The following AAK1 variants were observed in gnomAD, a reference collection of about 807,000 sequenced individuals.
AAK1 encodes AP2 associated kinase 1.
AAK1 carries 37 observed loss-of-function variants against 116.0 expected under a neutral mutation model. The ratio of observed to expected loss-of-function variants is 0.32; its 90% CI spans 0.25 to 0.42. The LOEUF is 0.42. Among genes scored for constraint, AAK1 ranks in the 10% least tolerant of loss-of-function variants. AAK1 has a pLI of 1.00. For synonymous variants in AAK1, 458 were observed against 439.9 expected (o/e 1.04, Z -0.51); for missense variants, 919 against 1,170.6 (o/e 0.79, Z 3.14).
intron 2 of AAK1, among the ~76,000 whole-genome samples, chr2:69,629,962 T>C (rs1428940265): frequency 6.6e-6 from 1 of 152,068 alleles, no homozygotes; most frequent in Non-Finnish European, 1.5e-5. Flanking sequence ...AAATAAATCT[T>C]AGGTAGGACT....
intron 2 of AAK1, among the ~76,000 whole-genome samples, chr2:69,630,471 G>C (rs546425657): frequency 2.6e-5 from 4 of 152,076 alleles, no homozygotes; most frequent in African/African-American, 9.6e-5. Flanking sequence ...CAAAATTCAT[G>C]CACCTCAATA....
intron 17 of AAK1, among the ~76,000 whole-genome samples, chr2:69,485,614 G>A (rs907496081): frequency 1.3e-5 from 2 of 151,842 alleles, no homozygotes; most frequent in African/African-American, 4.8e-5. Flanking sequence ...ATGCCTTTTG[G>A]CTTGACTGGG....
Position 69,469,863 on chromosome 2 carries a change from T to C in AAK1, c.*6006A>G. ...GACACTTTCAATATGGGTAACTCCA[T>C]ATTAGTCTATTTTGAGGCTCCAAAT... On this transcript the variant is annotated 3_prime_UTR_variant, in exon 22 of 22. Coordinates refer to ENST00000409085, the MANE Select transcript of AAK1 (RefSeq NM_014911.5). 2.0e-6 allele frequency: 2 copies of C among 985,430 alleles called. No homozygotes were observed. Among genetic ancestry groups the C allele is most frequent in the Non-Finnish European group, 2.4e-6 (2 of 829,938 alleles). The allele number at this position is 985,430 out of a possible 1,614,324, so 61.0% of individuals were successfully genotyped here. A position where few individuals can be genotyped will look rare whatever the true frequency, so the allele number is the denominator to read the frequency against.
In AAK1 at chr2:69,465,248, G is replaced by A; in HGVS notation, c.*10621C>T. On this transcript the variant is annotated 3_prime_UTR_variant, in exon 22 of 22. Coordinates refer to ENST00000409085, the MANE Select transcript of AAK1 (RefSeq NM_014911.5). ...AACAAAAATGAACATAACTTAAAGGGGCTTCAACTAAATATCACTGCAACT... is the reference window on the plus strand; with the variant it reads ...AACAAAAATGAACATAACTTAAAGGAGCTTCAACTAAATATCACTGCAACT... 1 of 439,050 alleles carries A rather than the reference G, an allele frequency of 2.3e-6. No homozygotes were observed. Among genetic ancestry groups the A allele is most frequent in the South Asian group, 2.4e-5 (1 of 42,046 alleles). The allele number at this position is 439,050 out of a possible 1,614,324, so 27.2% of individuals were successfully genotyped here. A position where few individuals can be genotyped will look rare whatever the true frequency, so the allele number is the denominator to read the frequency against.
At chr2:69,566,366 C>T (rs1671868705) in intron 2 of AAK1, among the ~76,000 whole-genome samples, 1 of 151,970 alleles carries the variant, frequency 6.6e-6, no homozygotes, top group African/African-American at 2.4e-5. Flanking sequence ...CCTCACTTGC[C>T]TCAATTAAAA....
Position 69,474,031 on chromosome 2 carries a change from G to A in AAK1, c.*1838C>T. 1 of 985,772 alleles carries A rather than the reference G, an allele frequency of 1.0e-6. No homozygotes were observed. The highest frequency in any genetic ancestry group is 1.2e-6 in the Non-Finnish European group (1 of 829,924). The allele number at this position is 985,772 out of a possible 1,614,324, so 61.1% of individuals were successfully genotyped here. The stretch of plus-strand genomic sequence containing the variant: ...TAGAGGCCTTTACCTAGCTCATCTT[G>A]TTTCAGCCAGCACGGGAAGTATTTA... On this transcript the variant is annotated 3_prime_UTR_variant, in exon 22 of 22. Transcript: ENST00000409085.
chr2:69,591,099 G>A (rs1673007538), intron 2 of AAK1, among the ~76,000 whole-genome samples: 1 of 152,216 alleles, frequency 6.6e-6, no homozygotes, highest in South Asian at 2.1e-4. Context: ...TATTTAAACT[G>A]TAGTTAGAAT....
chr2:69,584,871 TCTCC>T (rs760109737), intron 2 of AAK1, among the ~76,000 whole-genome samples: 4 of 152,202 alleles, frequency 2.6e-5, no homozygotes, highest in Admixed American at 6.5e-5. Flanking sequence ...CCCACTCTGG[TCTCC>T]CTCCTTCTCC....
At chr2:69,508,869 A>T (rs570244358) in intron 14 of AAK1, among the ~76,000 whole-genome samples, 5 of 152,346 alleles carry the variant, frequency 3.3e-5, no homozygotes, top group African/African-American at 1.2e-4. Flanking sequence ...AGCTATCATG[A>T]GGAGCCAGTG....
Position 69,472,829 on chromosome 2 carries a change from G to A in AAK1, c.*3040C>T. 2.0e-6 allele frequency: 2 copies of A among 985,646 alleles called. No individual in the cohort carries two copies. Among genetic ancestry groups the A allele is most frequent in the East Asian group, 2.3e-4 (2 of 8,820 alleles). The allele number at this position is 985,646 out of a possible 1,614,324, so 61.1% of individuals were successfully genotyped here. On this transcript the variant is annotated 3_prime_UTR_variant, in exon 22 of 22. Coordinates refer to ENST00000409085, the MANE Select transcript of AAK1 (RefSeq NM_014911.5). ...TACCATTTTATTAGAATAGGTAGGT[G>A]TGTGTCCACGCATGTGTTTCTGTAA...
intron 2 of AAK1, among the ~76,000 whole-genome samples, chr2:69,618,675 C>G (rs1674449380): frequency 6.6e-6 from 1 of 151,980 alleles, no homozygotes; most frequent in Admixed American, 6.6e-5. Context: ...TTCACGGATG[C>G]CTGTAGCATC....
At position 69,506,868 on chromosome 2, in the gene AAK1, CTGTGTGTG is replaced by C. The variant is rs10531990; in HGVS notation, c.2164+545_2164+552del. Reference sequence around the variant, plus strand: ...TTTGTTCCAAAGTGTGTGCATGTGCCTGTGTGTGTGTGTGTGTGTGTGTGTGTGTCCTG... The same window carrying C: ...TTTGTTCCAAAGTGTGTGCATGTGCCTGTGTGTGTGTGTGTGTGTGTCCTG... On this transcript the variant is annotated intron_variant, in intron 15 of 21. Coordinates refer to ENST00000409085, the MANE Select transcript of AAK1 (RefSeq NM_014911.5). 7.4e-5 allele frequency among the ~76,000 whole-genome samples: 11 copies of C among 149,336 alleles called. No individual in the cohort carries two copies. In the South Asian group the frequency reaches 8.5e-4, roughly 12 times the overall value.
At position 69,532,312 on chromosome 2, in the gene AAK1, G is replaced by A; in HGVS notation, c.535-150C>T. The A allele has an allele frequency of 3.1e-6, 3 of 963,522 alleles. No homozygotes were observed. In the East Asian group the frequency reaches 8.3e-5, roughly 27 times the overall value. 59.7% of individuals were successfully genotyped at this position (963,522 alleles called of 1,614,324 possible). ...TTATTCCTCTCCAAGTATCTCAACA[G>A]GGGTCATCCCAAGTGGAACACAGGA... On this transcript the variant is annotated intron_variant, in intron 5 of 21. Coordinates refer to ENST00000409085, the MANE Select transcript of AAK1 (RefSeq NM_014911.5).
At chr2:69,524,948 T>C (rs1669953768) in intron 10 of AAK1, 85 bp downstream of exon 10, 1 of 1,313,770 alleles carries the variant, frequency 7.6e-7, no homozygotes, top group Non-Finnish European at 1.1e-6. Flanking sequence ...CATGACAGCA[T>C]ACATAAGAAT....
chr2:69,521,903 G>A (rs1669801240), intron 10 of AAK1, among the ~76,000 whole-genome samples: 1 of 152,218 alleles, frequency 6.6e-6, no homozygotes, highest in South Asian at 2.1e-4. Context: ...ATCCCTGAGG[G>A]CCTCATGGAG....
At position 69,465,902 on chromosome 2, in the gene AAK1, A is replaced by T. The variant is rs959840565; in HGVS notation, c.*9967T>A. ...CGGGCAGGGGGACATCACCTGTCTG[A>T]CTGAGGAGACCGGTCTGTGCAGGCA... On this transcript the variant is annotated 3_prime_UTR_variant, in exon 22 of 22. Transcript: ENST00000409085. The T allele has an allele frequency of 7.7e-7, 1 of 1,290,814 alleles. No homozygotes were observed. The highest frequency in any genetic ancestry group is 2.3e-5 in the Admixed American group (1 of 43,550). 80.0% of individuals were successfully genotyped at this position (1,290,814 alleles called of 1,614,324 possible).
intron 10 of AAK1, among the ~76,000 whole-genome samples, chr2:69,524,036 T>C (rs1373090560): frequency 1.3e-5 from 2 of 152,228 alleles, no homozygotes; most frequent in African/African-American, 4.8e-5. Context: ...TTAATCCTCT[T>C]TTGGCATCTG....
chr2:69,553,741 C>T (rs139460473), intron 3 of AAK1, among the ~76,000 whole-genome samples: 1,676 of 150,342 alleles, frequency 0.011, 36 homozygotes, highest in African/African-American at 0.039. Flanking sequence ...CGTGCCCGGC[C>T]TAGACCTGAA....
intron 16 of AAK1, chr2:69,500,390 T>C (rs1389796770): frequency 6.6e-6 from 1 of 152,030 alleles, no homozygotes; most frequent in African/African-American, 2.4e-5. Flanking sequence ...TTTTAATGTT[T>C]GTAAAAGCTT....
Sources: allele counts gnomAD v4.1 joint callset (sites outside exome capture counted in the v4.1 genomes callset), GRCh38; gene constraint gnomAD v4.1.1; transcripts MANE v1.5; gene names NCBI Gene and HGNC (gene_info 2026-07-23, HGNC 2026-07-21).